The following LPP variants were observed in gnomAD, a reference collection of about 807,000 sequenced individuals.
The protein encoded by LPP is lipoma-preferred partner.
A neutral mutation model predicts 60.4 loss-of-function variants in LPP; 38 were observed. The ratio of observed to expected loss-of-function variants is 0.63; its 90% CI spans 0.49 to 0.83. LPP has a LOEUF of 0.83. LPP is among the 40% of genes least tolerant of loss of function. LPP has a pLI of 0.00. For synonymous variants in LPP, 328 were observed against 290.8 expected (o/e 1.13, Z -1.30); for missense variants, 902 against 783.6 (o/e 1.15, Z -1.80).
chr3:188,663,641 G>T, intron 7 of LPP, among the ~76,000 whole-genome samples: 1 of 152,158 alleles, frequency 6.6e-6, no homozygotes, highest in East Asian at 1.9e-4. Context: ...GAGAAAAGCT[G>T]CAGTAAGGAT....
intron 9 of LPP, among the ~76,000 whole-genome samples, chr3:188,813,116 A>G (rs1001718164): frequency 6.6e-6 from 1 of 152,208 alleles, no homozygotes; most frequent in Non-Finnish European, 1.5e-5. Flanking sequence ...TTATAGACTC[A>G]TGCTAGACAG....
At chr3:188,672,875 A>G (rs1393607883) in intron 7 of LPP, among the ~76,000 whole-genome samples, 2 of 152,160 alleles carry the variant, frequency 1.3e-5, no homozygotes, top group African/African-American at 4.8e-5. Flanking sequence ...TTGAGTCAAT[A>G]TAATATACGA....
At chr3:188,655,917 C>T (rs1047615951) in intron 7 of LPP, among the ~76,000 whole-genome samples, 23 of 152,002 alleles carry the variant, frequency 1.5e-4, no homozygotes, top group African/African-American at 5.3e-4. Context: ...GGGCCAGTTG[C>T]GGTGGCTCAC....
intron 1 of LPP, among the ~76,000 whole-genome samples, chr3:188,210,246 C>T (rs151293784): frequency 0.034 from 5,146 of 152,188 alleles, 128 homozygotes; most frequent in South Asian, 0.072. Flanking sequence ...CTCTGGATTT[C>T]GGTATCTCAG....
Position 188,885,390 on chromosome 3 carries a change from C to G in LPP, c.*10911C>G, listed in dbSNP as rs1235727023. On this transcript the variant is annotated 3_prime_UTR_variant, in exon 12 of 12. Transcript: ENST00000617246. The stretch of plus-strand genomic sequence containing the variant: ...GTTAAATAGCAAATGACTTCTCACC[C>G]CTTCCTAGTCCTCATGCCTGAGGAA... 2 of 193,750 alleles carry G rather than the reference C, an allele frequency of 1.0e-5. No individual in the cohort carries two copies. Among genetic ancestry groups the G allele is most frequent in the African/African-American group, 4.6e-5 (2 of 43,132 alleles). The allele number at this position is 193,750 out of a possible 1,614,324, so 12.0% of individuals were successfully genotyped here.
At chr3:188,160,618 T>C (rs942947581) in intron 1 of LPP, among the ~76,000 whole-genome samples, 1 of 152,250 alleles carries the variant, frequency 6.6e-6, no homozygotes, top group Admixed American at 6.5e-5. Flanking sequence ...CCTTGTGCCA[T>C]GAAGCAATTT....
intron 10 of LPP, among the ~76,000 whole-genome samples, chr3:188,868,548 T>C (rs991579776): frequency 2.6e-5 from 4 of 152,218 alleles, no homozygotes; most frequent in African/African-American, 9.6e-5. Flanking sequence ...TTGGCAGGTA[T>C]GTAGGGAGAG....
chr3:188,721,155 TG>T (rs1465195176), intron 8 of LPP, among the ~76,000 whole-genome samples: 1 of 152,206 alleles, frequency 6.6e-6, no homozygotes, highest in Non-Finnish European at 1.5e-5. Context: ...TATCCGACTT[TG>T]TCTTCCTTCA....
chr3:188,281,300 T>C (rs958049642), intron 2 of LPP, among the ~76,000 whole-genome samples: 5 of 152,090 alleles, frequency 3.3e-5, no homozygotes, highest in Admixed American at 1.3e-4. Flanking sequence ...TATTTCTTGG[T>C]GGCAGAAGTT....
intron 4 of LPP, among the ~76,000 whole-genome samples, chr3:188,420,799 T>C (rs113637971): frequency 1.5e-3 from 234 of 152,310 alleles, no homozygotes; most frequent in African/African-American, 5.4e-3. Context: ...GCTGTGTTTG[T>C]AGCAAAAACT....
intron 4 of LPP, among the ~76,000 whole-genome samples, chr3:188,434,550 G>A (rs1413404925): frequency 6.6e-6 from 1 of 152,128 alleles, no homozygotes; most frequent in African/African-American, 2.4e-5. Context: ...GCACTGTGAT[G>A]TTCAGAATAA....
At chr3:188,372,264 T>C (rs899103556) in intron 3 of LPP, among the ~76,000 whole-genome samples, 9 of 152,128 alleles carry the variant, frequency 5.9e-5, no homozygotes, top group Non-Finnish European at 1.3e-4. Context: ...CATGACCCTT[T>C]TTAGTAATTA....
intron 3 of LPP, among the ~76,000 whole-genome samples, chr3:188,394,896 G>C (rs1356209335): frequency 6.6e-6 from 1 of 152,134 alleles, no homozygotes; most frequent in South Asian, 2.1e-4. Context: ...AGTTGAAAAT[G>C]CTTCCAATCG....
rs76135174 is a variant in LPP at position 188,303,282 on chromosome 3, G to A, written c.-66-38381G>A. Among the ~76,000 whole-genome samples, 14 of 152,300 alleles carry A rather than the reference G, an allele frequency of 9.2e-5. No individual in the cohort carries two copies. The East Asian group carries it at 2.7e-3, about 29-fold the overall frequency. ...AAACTTTTATTCACAAAAACATGCAGTAGGCTGGATTTGGTCTGCGTGCCA... is the reference window on the plus strand; with the variant it reads ...AAACTTTTATTCACAAAAACATGCAATAGGCTGGATTTGGTCTGCGTGCCA... On this transcript the variant is annotated intron_variant, in intron 2 of 11. Coordinates refer to ENST00000617246, the MANE Select transcript of LPP (RefSeq NM_001375462.1).
At chr3:188,627,585 A>G (rs1024918668) in intron 7 of LPP, among the ~76,000 whole-genome samples, 2 of 152,212 alleles carry the variant, frequency 1.3e-5, no homozygotes, top group African/African-American at 4.8e-5. Context: ...CAATTCAACA[A>G]GAAGACTTAA....
chr3:188,749,790 C>A (rs992865611), intron 8 of LPP, among the ~76,000 whole-genome samples: 1 of 152,100 alleles, frequency 6.6e-6, no homozygotes, highest in African/African-American at 2.4e-5. Flanking sequence ...TATTTTCAGT[C>A]TTTATATATC....
intron 7 of LPP, among the ~76,000 whole-genome samples, chr3:188,698,890 A>C (rs2149557882): frequency 1.3e-5 from 2 of 152,328 alleles, no homozygotes; most frequent in South Asian, 4.1e-4. Context: ...TCCCTTGCTA[A>C]AGCAACAATT....
intron 3 of LPP, among the ~76,000 whole-genome samples, chr3:188,376,646 T>C (rs1775191570): frequency 6.6e-6 from 1 of 152,220 alleles, no homozygotes; most frequent in Admixed American, 6.5e-5. Flanking sequence ...TGATGGGTCT[T>C]GACTCTTTAT....
chr3:188,166,015 T>C (rs770325604), intron 1 of LPP, among the ~76,000 whole-genome samples: 7 of 152,166 alleles, frequency 4.6e-5, no homozygotes, highest in Non-Finnish European at 1.0e-4. Flanking sequence ...TAATTCTGAA[T>C]GAGATGAGAT....
Sources: gnomAD v4.1 joint callset for allele counts (sites outside exome capture counted in the v4.1 genomes callset) on GRCh38, gnomAD v4.1.1 for gene constraint, MANE v1.5 for transcripts, NCBI Gene and HGNC (gene_info 2026-07-23, HGNC 2026-07-21) for gene names.